Variants in LAMA2 observed in about 807,000 individuals in gnomAD.
LAMA2 encodes the protein laminin subunit alpha-2.
Under a neutral mutation model 364.8 loss-of-function variants are expected in LAMA2, and 269 were observed. The ratio of observed to expected loss-of-function variants is 0.74; its 90% CI spans 0.67 to 0.82. The LOEUF (loss-of-function observed/expected upper bound fraction) is 0.82. LAMA2 is among the 40% of genes least tolerant of loss of function. The probability of loss-of-function intolerance (pLI) is 0.00; values close to 1 mark genes in which losing one functional copy is unlikely to be tolerated. For missense variants in LAMA2, 3,807 were observed against 3,873.2 expected (o/e 0.98, Z 0.45); for synonymous variants, 1,379 against 1,370.6 (o/e 1.01, Z -0.14).
At chr6:128,892,726 A>T (rs892660017) in intron 1 of LAMA2, among the ~76,000 whole-genome samples, 1 of 151,936 alleles carries the variant, frequency 6.6e-6, no homozygotes, top group Admixed American at 6.6e-5. Flanking sequence ...CCTAATTACT[A>T]TAGTAAAAAA....
intron 1 of LAMA2, among the ~76,000 whole-genome samples, chr6:128,983,996 C>T (rs1725527375): frequency 6.6e-6 from 1 of 152,088 alleles, no homozygotes; most frequent in African/African-American, 2.4e-5. Context: ...TTTTCCTTCG[C>T]TAAACTGAAG....
Position 128,883,215 on chromosome 6 carries a change from C to T in LAMA2, c.-31C>T, listed in dbSNP as rs760935151. On this transcript the variant is annotated 5_prime_UTR_variant, in exon 1 of 65. Coordinates refer to ENST00000421865, the MANE Select transcript of LAMA2 (RefSeq NM_000426.4). Reference sequence around the variant, plus strand: ...AGGGCGGCAGCGACTCCTCTGGCTCCCGAGAAGTGGATCCGGTCGCGGCCA... The same window carrying T: ...AGGGCGGCAGCGACTCCTCTGGCTCTCGAGAAGTGGATCCGGTCGCGGCCA... 3 of 1,546,218 alleles carry T rather than the reference C, an allele frequency of 1.9e-6. No homozygotes were observed. In the East Asian group the frequency reaches 7.3e-5, roughly 38 times the overall value.
chr6:129,168,990 G>T lies in LAMA2; in HGVS notation c.1306+3315G>T, dbSNP rs528707902. 1.5e-3 allele frequency among the ~76,000 whole-genome samples: 231 copies of T among 152,302 alleles called. 1 individual carries two copies. Among genetic ancestry groups the T allele is most frequent in the African/African-American group, 5.2e-3 (217 of 41,556 alleles). On this transcript the variant is annotated intron_variant, in intron 9 of 64. Coordinates refer to ENST00000421865, the MANE Select transcript of LAMA2 (RefSeq NM_000426.4). ...TTGTTGTTGTTGTATAAGAATGCTTGTGACTTTTGTACATTGATTTTGTAT... is the reference window on the plus strand; with the variant it reads ...TTGTTGTTGTTGTATAAGAATGCTTTTGACTTTTGTACATTGATTTTGTAT...
intron 56 of LAMA2, 28 bp from the exon 57 acceptor site, chr6:129,491,873 T>C: frequency 6.6e-7 from 1 of 1,524,314 alleles, no homozygotes; most frequent in Non-Finnish European, 9.1e-7. Flanking sequence ...ATGTGACTTA[T>C]ACTTGTTTAT....
At chr6:129,230,032 G>T (rs922397990) in intron 12 of LAMA2, among the ~76,000 whole-genome samples, 1 of 152,104 alleles carries the variant, frequency 6.6e-6, no homozygotes, top group Non-Finnish European at 1.5e-5. Flanking sequence ...CAATCCATAT[G>T]TCATTTAAAC....
rs1582696038 is a variant in LAMA2 at position 128,926,797 on chromosome 6, G to A, written c.112+43440G>A. 5.9e-5 allele frequency among the ~76,000 whole-genome samples: 9 copies of A among 152,178 alleles called. No individual in the cohort carries two copies. In the East Asian group the frequency reaches 1.2e-3, roughly 20 times the overall value. ...TAGGAATATCTAATGTAGTGTTAAAGCTCAGAGTTGAAAAGATGTTTTAGT... is the reference window on the plus strand; with the variant it reads ...TAGGAATATCTAATGTAGTGTTAAAACTCAGAGTTGAAAAGATGTTTTAGT... On this transcript the variant is annotated intron_variant, in intron 1 of 64. Transcript: ENST00000421865.
intron 17 of LAMA2, 132 bp downstream of exon 17, chr6:129,270,883 A>C: frequency 1.0e-6 from 1 of 993,038 alleles, no homozygotes; most frequent in Non-Finnish European, 1.5e-6. Context: ...TTTCAGGAAA[A>C]TTATATGAAT....
At chr6:129,215,245 C>T (rs558353673) in intron 12 of LAMA2, among the ~76,000 whole-genome samples, 2 of 152,198 alleles carry the variant, frequency 1.3e-5, no homozygotes, top group East Asian at 3.9e-4. Flanking sequence ...TAAAATGCTA[C>T]CTACAAAATC....
chr6:128,944,182 T>G (rs1201681803), intron 1 of LAMA2, among the ~76,000 whole-genome samples: 2 of 152,186 alleles, frequency 1.3e-5, no homozygotes, highest in African/African-American at 4.8e-5. Context: ...TAGTCTATGG[T>G]TCACCTGAGC....
chr6:129,125,924 G>A (rs1308005862), intron 4 of LAMA2, among the ~76,000 whole-genome samples: 3 of 151,906 alleles, frequency 2.0e-5, no homozygotes, highest in Non-Finnish European at 4.4e-5. Context: ...ATTAGAAATT[G>A]TCAATTTACA....
intron 27 of LAMA2, 26 bp downstream of exon 27, chr6:129,316,197 G>C (rs756191610): frequency 6.4e-7 from 1 of 1,573,600 alleles, no homozygotes; most frequent in Non-Finnish European, 8.7e-7. Flanking sequence ...AAATATTCAA[G>C]CTCTTATTTT....
At position 129,192,425 on chromosome 6, in the gene LAMA2, A is replaced by G. The variant is rs117229836; in HGVS notation, c.1609-255A>G. Among the ~76,000 whole-genome samples, 674 of 152,320 alleles carry G rather than the reference A, an allele frequency of 4.4e-3. 4 individuals carry two copies. The highest frequency in any genetic ancestry group is 5.4e-3 in the Non-Finnish European group (370 of 68,020). The stretch of plus-strand genomic sequence containing the variant: ...CAATTTTTTAAAAAGCATAGGTTCA[A>G]TGAAAACAGATTATTATAGAATACC... On this transcript the variant is annotated intron_variant, in intron 11 of 64. Coordinates refer to ENST00000421865, the MANE Select transcript of LAMA2 (RefSeq NM_000426.4).
chr6:128,891,840 G>A (rs771014511), intron 1 of LAMA2, among the ~76,000 whole-genome samples: 4 of 151,886 alleles, frequency 2.6e-5, no homozygotes, highest in Admixed American at 1.3e-4. Flanking sequence ...TTATCAATAC[G>A]TACCTCTTTA....
At chr6:129,455,733 C>T (rs907973463) in intron 47 of LAMA2, among the ~76,000 whole-genome samples, 13 of 152,096 alleles carry the variant, frequency 8.5e-5, no homozygotes, top group African/African-American at 3.1e-4. Context: ...GCAATTTGTA[C>T]ACTGAAATCT....
chr6:128,924,003 A>T (rs1173451296), intron 1 of LAMA2, among the ~76,000 whole-genome samples: 1 of 152,166 alleles, frequency 6.6e-6, no homozygotes, highest in Non-Finnish European at 1.5e-5. Context: ...GAATAGTCAG[A>T]TGCCCCTCTT....
chr6:129,421,347 A>C (rs76941520), intron 40 of LAMA2, among the ~76,000 whole-genome samples: 3,532 of 151,874 alleles, frequency 0.023, 147 homozygotes, highest in African/African-American at 0.08. Context: ...ATATATATAT[A>C]TGTACACAGA....
intron 1 of LAMA2, among the ~76,000 whole-genome samples, chr6:128,953,367 A>G (rs1021162385): frequency 6.6e-6 from 1 of 152,160 alleles, no homozygotes. Flanking sequence ...AATTAGCTTT[A>G]CAGATAGTAG....
At chr6:129,236,188 A>C (rs546313149) in intron 12 of LAMA2, among the ~76,000 whole-genome samples, 4 of 152,224 alleles carry the variant, frequency 2.6e-5, no homozygotes, top group African/African-American at 4.8e-5. Context: ...ATGAGCAAGA[A>C]AATTTTTGAA....
intron 3 of LAMA2, among the ~76,000 whole-genome samples, chr6:129,095,802 T>G (rs974772389): frequency 1.3e-5 from 2 of 151,298 alleles, no homozygotes; most frequent in Admixed American, 1.3e-4. Context: ...CACCTGCCTG[T>G]AATCCAGCTA....
Sources: gnomAD v4.1 joint callset for allele counts (sites outside exome capture counted in the v4.1 genomes callset) on GRCh38, gnomAD v4.1.1 for gene constraint, MANE v1.5 for transcripts, NCBI Gene and HGNC (gene_info 2026-07-23, HGNC 2026-07-21) for gene names.